GALNT9: variants seen among roughly 807,000 people sequenced by gnomAD.
GALNT9 encodes the protein polypeptide N-acetylgalactosaminyltransferase 9, also known as GalNAc transferase 9.
In GALNT9, 47 loss-of-function variants were observed where a neutral mutation model predicts 63.1. The observed-to-expected ratio is 0.75, with a 90% CI of 0.59 to 0.95. GALNT9 has a LOEUF of 0.95. GALNT9 is among the 40% of genes least tolerant of loss of function. The pLI is 0.00. For synonymous variants in GALNT9, 396 were observed against 365.7 expected, an observed-to-expected ratio of 1.08 and a Z score of -0.94; for missense variants, 829 against 874.8, an observed-to-expected ratio of 0.95 and a Z score of 0.66.
chr12:132,200,506 C>A (rs1288086090), intron 8 of GALNT9: 2 of 152,522 alleles, frequency 1.3e-5, no homozygotes, highest in African/African-American at 4.8e-5. Flanking sequence ...CGTGTACACA[C>A]ACACATTATT....
chr12:132,286,444 A>C lies in GALNT9; in HGVS notation c.239-14T>G, dbSNP rs1555242211. On this transcript the variant is annotated splice_polypyrimidine_tract_variant and intron_variant, in intron 1 of 10. Coordinates refer to ENST00000328957, the MANE Select transcript of GALNT9 (RefSeq NM_001122636.2). The surrounding 1 kb of genome is among the most constrained non-coding windows in gnomAD (Gnocchi z 7.4). ...GCTTGGCAAGGCCTGGGGGAAAGGA[A>C]GAGAGGGAGGTCAGGCAGGCCCAGG... 3.2e-6 allele frequency: 5 copies of C among 1,545,576 alleles called. No homozygotes were observed. Among genetic ancestry groups the C allele is most frequent in the African/African-American group, 2.7e-5 (2 of 72,856 alleles).
intron 1 of GALNT9, among the ~76,000 whole-genome samples, chr12:132,304,198 CAGACACGCCCTCACCT>C (rs1555244242): frequency 5.3e-5 from 2 of 37,906 alleles, no homozygotes; most frequent in African/African-American, 1.1e-4. Context: ...CGCCCTCACC[CAGACACGCCCTCACCT>C]GGGCACATCC....
In GALNT9 at chr12:132,264,738, T is replaced by C. The variant is rs115847300; in HGVS notation, c.420-2113A>G. 3.9e-3 allele frequency among the ~76,000 whole-genome samples: 590 copies of C among 152,244 alleles called. 6 individuals are homozygous for C. Among genetic ancestry groups the C allele is most frequent in the African/African-American group, 0.014 (567 of 41,544 alleles). On this transcript the variant is annotated intron_variant, in intron 2 of 10. Coordinates refer to ENST00000328957, the MANE Select transcript of GALNT9 (RefSeq NM_001122636.2). The stretch of plus-strand genomic sequence containing the variant: ...AACCAATCGCTGTGGCCAGAGGAAA[T>C]AGGGCACTCAGATTGGCTTATGCTC...
At position 132,286,201 on chromosome 12, in the gene GALNT9, G is replaced by A. The variant is rs1555242153; in HGVS notation, c.419+49C>T. On this transcript the variant is annotated intron_variant, in intron 2 of 10. Transcript: ENST00000328957. This position sits in a 1 kb window ranked among gnomAD's most constrained non-coding sequence, Gnocchi z 7.4. ...ACTTCCCTGGCCAGTGTGGGGGGCG[G>A]TCACTTCCTCGGCGGGCGTCGGGGG... The A allele has an allele frequency of 1.3e-6, 2 of 1,516,454 alleles. No individual in the cohort carries two copies. Among genetic ancestry groups the A allele is most frequent in the Admixed American group, 2.0e-5 (1 of 49,446 alleles). 93.9% of individuals were successfully genotyped at this position (1,516,454 alleles called of 1,614,324 possible). A position where few individuals can be genotyped will look rare whatever the true frequency, so the allele number is the denominator to read the frequency against.
At chr12:132,222,794 T>A (rs1433103359) in intron 6 of GALNT9, among the ~76,000 whole-genome samples, 1 of 151,602 alleles carries the variant, frequency 6.6e-6, no homozygotes, top group Non-Finnish European at 1.5e-5. Context: ...ACGGACGCTA[T>A]GGACGCACCC....
In GALNT9 at chr12:132,291,033, G is replaced by A. The variant is rs868949714; in HGVS notation, c.239-4603C>T. On this transcript the variant is annotated intron_variant, in intron 1 of 10. Transcript: ENST00000328957. ...CGTCCACACCACCCACATCCACAGC[G>A]CCCACGTCCACAGCGCCCACATCCT... Among the ~76,000 whole-genome samples, 48 of 35,212 alleles carry A rather than the reference G, an allele frequency of 1.4e-3. 4 individuals are homozygous for A. Among genetic ancestry groups the A allele is most frequent in the East Asian group, 3.7e-3 (3 of 808 alleles). The allele number at this position is 35,212 out of a possible 152,430, so 23.1% of individuals were successfully genotyped here.
chr12:132,290,590 TCCACAGCACCCACAA>T (rs1378445269), intron 1 of GALNT9, among the ~76,000 whole-genome samples: 40 of 136,452 alleles, frequency 2.9e-4, no homozygotes, highest in African/African-American at 5.5e-4. Flanking sequence ...AGCGCCCACA[TCCACAGCACCCACAA>T]CCACAGCACC....
At position 132,294,196 on chromosome 12, in the gene GALNT9, TC is replaced by T. The variant is rs1458798726; in HGVS notation, c.239-7767del. Among the ~76,000 whole-genome samples, 3 of 151,924 alleles carry T rather than the reference TC, an allele frequency of 2.0e-5. No individual in the cohort carries two copies. In the East Asian group the frequency reaches 5.8e-4, roughly 29 times the overall value. The stretch of plus-strand genomic sequence containing the variant: ...GGGCACCAGGTCTTCACCATTGACC[TC>T]CCCCCAGAGCTGTCCCTGGAGCAGG... On this transcript the variant is annotated intron_variant, in intron 1 of 10. Coordinates refer to ENST00000328957, the MANE Select transcript of GALNT9 (RefSeq NM_001122636.2).
chr12:132,248,622 G>A (rs76619560), intron 5 of GALNT9, among the ~76,000 whole-genome samples: 2,266 of 152,300 alleles, frequency 0.015, 46 homozygotes, highest in African/African-American at 0.052. Flanking sequence ...GGGCAGTTGC[G>A]TAGGCTGTGC....
chr12:132,257,616 C>A, intron 5 of GALNT9, 73 bp downstream of exon 5: 1 of 1,214,894 alleles, frequency 8.2e-7, no homozygotes, highest in Non-Finnish European at 1.1e-6. Flanking sequence ...TGGCCCTCGT[C>A]CCCACGCCCG....
chr12:132,282,945 G>C lies in GALNT9; in HGVS notation c.419+3305C>G, dbSNP rs1880419835. The stretch of plus-strand genomic sequence containing the variant: ...AAAGCCACCCCTTGATATGGGGCGA[G>C]GATGGGACCCGAGAGACCCTCGCCC... On this transcript the variant is annotated intron_variant, in intron 2 of 10. Coordinates refer to ENST00000328957, the MANE Select transcript of GALNT9 (RefSeq NM_001122636.2). The surrounding 1 kb of genome is among the most constrained non-coding windows in gnomAD (Gnocchi z 4.5). 1 of 152,212 alleles carries C rather than the reference G, an allele frequency of 6.6e-6. No homozygotes were observed. Among genetic ancestry groups the C allele is most frequent in the South Asian group, 2.1e-4 (1 of 4,822 alleles). 9.4% of individuals were successfully genotyped at this position (152,212 alleles called of 1,614,324 possible).
chr12:132,198,992 G>T (rs979061838), intron 9 of GALNT9, among the ~76,000 whole-genome samples, 182 bp downstream of exon 9: 1 of 152,070 alleles, frequency 6.6e-6, no homozygotes, highest in Non-Finnish European at 1.5e-5. Flanking sequence ...CCTTCCAGGT[G>T]GGGCGGGCTG....
intron 2 of GALNT9, among the ~76,000 whole-genome samples, chr12:132,267,745 G>GCACACACT (rs1566005989): frequency 1.2e-4 from 16 of 132,498 alleles, no homozygotes; most frequent in African/African-American, 5.3e-4. Context: ...AAATACACAA[G>GCACACACT]CACACACACT....
chr12:132,290,645 C>T lies in GALNT9; in HGVS notation c.239-4215G>A, dbSNP rs113138683. ...ACCACAGTGCCCACGTCCACACCACCCACATCCACAGCGCCCACGTCCACA... is the reference window on the plus strand; with the variant it reads ...ACCACAGTGCCCACGTCCACACCACTCACATCCACAGCGCCCACGTCCACA... On this transcript the variant is annotated intron_variant, in intron 1 of 10. Transcript: ENST00000328957. Among the ~76,000 whole-genome samples, 499 of 125,124 alleles carry T rather than the reference C, an allele frequency of 4.0e-3. 10 individuals are homozygous for T. Among genetic ancestry groups the T allele is most frequent in the African/African-American group, 0.017 (458 of 26,416 alleles). 82.1% of individuals were successfully genotyped at this position (125,124 alleles called of 152,430 possible).
At chr12:132,322,785 G>A (rs964346752) in intron 1 of GALNT9, among the ~76,000 whole-genome samples, 9 of 152,356 alleles carry the variant, frequency 5.9e-5, no homozygotes, top group South Asian at 2.1e-4. Context: ...TCCGTGCTAC[G>A]AGATGATACA....
rs557494535 is a variant in GALNT9, at chr12:132,249,365, T to C, written c.960-1338A>G. 2.2e-4 allele frequency among the ~76,000 whole-genome samples: 34 copies of C among 152,314 alleles called. No individual in the cohort carries two copies. In the Middle Eastern group the frequency reaches 0.017, roughly 76 times the overall value. ...CAGCAAAAGTTGGCCTCTGTCATAA[T>C]TTAAAGGAAGCAATTCTGTCCCCAG... is the stretch of plus-strand genomic sequence containing the variant. On this transcript the variant is annotated intron_variant, in intron 5 of 10. Transcript: ENST00000328957.
At chr12:132,322,505 C>T (rs886456540) in intron 1 of GALNT9, among the ~76,000 whole-genome samples, 2 of 152,254 alleles carry the variant, frequency 1.3e-5, no homozygotes, top group Non-Finnish European at 2.9e-5. Flanking sequence ...CCAGCATCCC[C>T]GTCCGTGACT....
At chr12:132,241,015 C>A (rs1257228637) in intron 6 of GALNT9, among the ~76,000 whole-genome samples, 33 of 110,926 alleles carry the variant, frequency 3.0e-4, no homozygotes, top group African/African-American at 7.5e-4. Context: ...TCCCTATACC[C>A]ATTACACACA....
At chr12:132,324,365 G>T (rs1443492913) in intron 1 of GALNT9, among the ~76,000 whole-genome samples, 1 of 152,178 alleles carries the variant, frequency 6.6e-6, no homozygotes, top group East Asian at 1.9e-4. Flanking sequence ...GCGCTCCGAC[G>T]GCGCTGTCTG....
Sources: allele counts gnomAD v4.1 joint callset (sites outside exome capture counted in the v4.1 genomes callset), GRCh38; gene constraint gnomAD v4.1.1; non-coding constraint Gnocchi (gnomAD v3.1); transcripts MANE v1.5; gene names NCBI Gene and HGNC (gene_info 2026-07-23, HGNC 2026-07-21).